Variants in BAZ2B observed in about 807,000 individuals in gnomAD.
BAZ2B encodes the protein bromodomain adjacent to zinc finger domain 2B, also known as bromodomain adjacent to zinc finger domain protein 2B.
Under a neutral mutation model 246.0 loss-of-function variants are expected in BAZ2B, and 91 were observed. The observed-to-expected ratio is 0.37, with a 90% CI of 0.31 to 0.44. The LOEUF is 0.44. Among genes scored for constraint, BAZ2B ranks in the 20% least tolerant of loss-of-function variants. The pLI is 1.00. For synonymous variants in BAZ2B, 855 were observed against 860.0 expected (o/e 0.99, Z 0.10); for missense variants, 2,332 against 2,533.7 (o/e 0.92, Z 1.71).
chr2:159,477,312 T>TA (rs1422639096), intron 3 of BAZ2B, among the ~76,000 whole-genome samples: 2 of 151,248 alleles, frequency 1.3e-5, no homozygotes, highest in Non-Finnish European at 2.9e-5. Context: ...CTCAAAAAAA[T>TA]AAAAAAATTA....
chr2:159,571,903 A>C (rs949531442), intron 1 of BAZ2B, among the ~76,000 whole-genome samples: 1 of 152,204 alleles, frequency 6.6e-6, no homozygotes, highest in African/African-American at 2.4e-5. Context: ...TAATCCCTTC[A>C]TAAGGGTGGA....
intron 34 of BAZ2B, among the ~76,000 whole-genome samples, chr2:159,328,070 GAAAA>G (rs1306873341): frequency 4.0e-5 from 2 of 49,542 alleles, no homozygotes; most frequent in East Asian, 5.1e-4. Context: ...GCCTCAAAAC[GAAAA>G]AAAAAAAAAA....
the BAZ2B span, among the ~76,000 whole-genome samples, chr2:159,652,412 G>T: frequency 6.6e-6 from 1 of 151,958 alleles, no homozygotes; most frequent in Non-Finnish European, 1.5e-5. Flanking sequence ...GTTTCATCAT[G>T]TTGGCCAGGC....
the BAZ2B span, among the ~76,000 whole-genome samples, chr2:159,653,611 G>A: frequency 6.6e-6 from 1 of 152,124 alleles, no homozygotes; most frequent in Non-Finnish European, 1.5e-5. Flanking sequence ...AGATCCTAAA[G>A]AAAACCTGGA....
rs185136242 is a variant in BAZ2B at position 159,609,993 on chromosome 2, T to G, written c.-46+6249A>C. On this transcript the variant is annotated intron_variant, in intron 1 of 36. Coordinates refer to ENST00000392783, the MANE Select transcript of BAZ2B (RefSeq NM_013450.4). The stretch of plus-strand genomic sequence containing the variant: ...TCCCAGTAGTTTTGCTTGTTCTACA[T>G]GTTAGCTGTGTTAAGGATACAAATA... 2.3e-3 allele frequency among the ~76,000 whole-genome samples: 344 copies of G among 152,334 alleles called. 2 individuals carry two copies. Among genetic ancestry groups the G allele is most frequent in the Admixed American group, 5.3e-3 (81 of 15,296 alleles).
downstream of BAZ2B, among the ~76,000 whole-genome samples, chr2:159,318,523 C>T (rs1446042997): frequency 6.6e-6 from 1 of 152,214 alleles, no homozygotes; most frequent in African/African-American, 2.4e-5. Flanking sequence ...GCTATAAGCT[C>T]CATGAAGGCA....
intron 2 of BAZ2B, among the ~76,000 whole-genome samples, chr2:159,518,468 T>C (rs1180867773): frequency 6.6e-6 from 1 of 152,166 alleles, no homozygotes; most frequent in East Asian, 1.9e-4. Context: ...CCCTGTACTC[T>C]GGAAAGTCCA....
At chr2:159,488,623 G>GT (rs1250493747) in intron 2 of BAZ2B, among the ~76,000 whole-genome samples, 3 of 151,974 alleles carry the variant, frequency 2.0e-5, no homozygotes, top group East Asian at 1.9e-4. Context: ...CTTTTCATTG[G>GT]TTTTTTATAT....
chr2:159,451,236 T>C (rs1443106224), intron 4 of BAZ2B, among the ~76,000 whole-genome samples: 2 of 152,156 alleles, frequency 1.3e-5, no homozygotes, highest in Non-Finnish European at 2.9e-5. Flanking sequence ...ACTATTTCAA[T>C]ATAAAATGGA....
chr2:159,640,904 G>T, the BAZ2B span, among the ~76,000 whole-genome samples: 1 of 146,780 alleles, frequency 6.8e-6, no homozygotes, highest in Non-Finnish European at 1.5e-5. Context: ...GCTCAGAGAA[G>T]AAATAAATGA....
intron 2 of BAZ2B, among the ~76,000 whole-genome samples, chr2:159,533,810 C>T (rs2085629551): frequency 6.6e-6 from 1 of 152,114 alleles, no homozygotes; most frequent in Admixed American, 6.6e-5. Flanking sequence ...AAAAGATATA[C>T]AGTTTCCATG....
chr2:159,424,835 A>C (rs1023603), intron 13 of BAZ2B, among the ~76,000 whole-genome samples: 50,440 of 152,136 alleles, frequency 0.33, 9,939 homozygotes, highest in Non-Finnish European at 0.47. Context: ...ATGTTATGCA[A>C]ATAGTTGTTA....
At chr2:159,668,147 A>G in the BAZ2B span, among the ~76,000 whole-genome samples, 1 of 152,154 alleles carries the variant, frequency 6.6e-6, no homozygotes. Context: ...ATTTTTAAAA[A>G]ATACCAATTG....
chr2:159,545,532 A>G (rs563287529), intron 2 of BAZ2B, among the ~76,000 whole-genome samples: 1 of 151,562 alleles, frequency 6.6e-6, no homozygotes, highest in East Asian at 1.9e-4. Context: ...TGTTTTCTAT[A>G]CTATACATTC....
At chr2:159,633,723 T>C in the BAZ2B span, among the ~76,000 whole-genome samples, 18 of 149,748 alleles carry the variant, frequency 1.2e-4, no homozygotes, top group Non-Finnish European at 2.4e-4. Flanking sequence ...ACTGCCCATT[T>C]ATTTTCACTT....
intron 1 of BAZ2B, among the ~76,000 whole-genome samples, chr2:159,578,775 C>A (rs1432131824): frequency 6.6e-6 from 1 of 152,160 alleles, no homozygotes; most frequent in African/African-American, 2.4e-5. Context: ...GAAACTCACT[C>A]AAAACCGCTT....
intron 3 of BAZ2B, chr2:159,462,611 G>A (rs973828902): frequency 3.0e-5 from 27 of 893,172 alleles, no homozygotes; most frequent in South Asian, 1.3e-4. Context: ...AACAGTTAGC[G>A]AATCCTGTAC....
chr2:159,428,181 G>T, intron 12 of BAZ2B, 130 bp downstream of exon 12: 1 of 1,089,288 alleles, frequency 9.2e-7, no homozygotes. Context: ...TTTAGGTTAA[G>T]TACAATAGTC....
chr2:159,657,368 T>C, the BAZ2B span, among the ~76,000 whole-genome samples: 2 of 152,212 alleles, frequency 1.3e-5, no homozygotes, highest in African/African-American at 2.4e-5. Context: ...TTGATTACTG[T>C]AGCTTTACAG....
Sources: gnomAD v4.1 joint callset for allele counts (sites outside exome capture counted in the v4.1 genomes callset) on GRCh38, gnomAD v4.1.1 for gene constraint, MANE v1.5 for transcripts, NCBI Gene and HGNC (gene_info 2026-07-23, HGNC 2026-07-21) for gene names.